The following TSPAN4 variants were observed in gnomAD, a reference collection of about 807,000 sequenced individuals.
The protein encoded by TSPAN4 is tetraspanin 4.
Under a neutral mutation model 31.5 loss-of-function variants are expected in TSPAN4, and 38 were observed. The observed-to-expected ratio is 1.21, with a 90% CI of 0.93 to 1.58. The LOEUF is 1.58. Among genes scored for constraint, TSPAN4 ranks in the 40% most tolerant of loss-of-function variants. TSPAN4 has a pLI of 0.00. For missense variants in TSPAN4, 330 were observed against 317.3 expected (o/e 1.04, Z -0.30); for synonymous variants, 186 against 144.6 (o/e 1.29, Z -2.06).
At chr11:857,400 G>GTTTT (rs59381120) in intron 3 of TSPAN4, 13,854 of 100,048 alleles carry the variant, frequency 0.14, 1,565 homozygotes, top group East Asian at 0.17. Flanking sequence ...GGCAGTTTGG[G>GTTTT]TTTTTTTTTT....
chr11:842,900 G>A lies in TSPAN4; in HGVS notation c.-133G>A, dbSNP rs35053581. On this transcript the variant is annotated 5_prime_UTR_variant, in exon 1 of 9. Transcript: ENST00000397397. ...GCGGCGGGAGCGGGCGGCGCGAGCGGGAGGCGGCGGCGCAGGTACTGCGCC... is the reference window on the plus strand; with the variant it reads ...GCGGCGGGAGCGGGCGGCGCGAGCGAGAGGCGGCGGCGCAGGTACTGCGCC... 5 of 163,446 alleles carry A rather than the reference G, an allele frequency of 3.1e-5. No homozygotes were observed. Among genetic ancestry groups the A allele is most frequent in the Non-Finnish European group, 6.6e-5 (5 of 75,326 alleles). The allele number at this position is 163,446 out of a possible 1,614,324, so 10.1% of individuals were successfully genotyped here.
rs376732850 is a variant in TSPAN4, at chr11:866,664, G to A, written c.*34G>A. ...CCGCCCGCTTCTCTGCCAAAAGGAC[G>A]CCCACGGGGAGATGGCCGCACCCAC... is the stretch of plus-strand genomic sequence containing the variant. On this transcript the variant is annotated 3_prime_UTR_variant, in exon 9 of 9. Coordinates refer to ENST00000397397, the MANE Select transcript of TSPAN4 (RefSeq NM_003271.5). 8.1e-6 allele frequency: 13 copies of A among 1,595,812 alleles called. No homozygotes were observed. Among genetic ancestry groups the A allele is most frequent in the South Asian group, 5.6e-5 (5 of 89,586 alleles).
chr11:866,785 G>A lies in TSPAN4; in HGVS notation c.*155G>A, dbSNP rs1210879555. 1.1e-4 allele frequency: 89 copies of A among 823,810 alleles called. No individual in the cohort carries two copies. The East Asian group carries it at 2.5e-3, about 23-fold the overall frequency. 51.0% of individuals were successfully genotyped at this position (823,810 alleles called of 1,614,324 possible). Reference sequence around the variant, plus strand: ...TGGAGCCCCCGGAACCCTGTTTCTGGAAGGCCCTAGCTCAGGTGGCTTCAG... The same window carrying A: ...TGGAGCCCCCGGAACCCTGTTTCTGAAAGGCCCTAGCTCAGGTGGCTTCAG... On this transcript the variant is annotated 3_prime_UTR_variant, in exon 9 of 9. Coordinates refer to ENST00000397397, the MANE Select transcript of TSPAN4 (RefSeq NM_003271.5).
At chr11:857,774 C>G (rs1389834087) in intron 3 of TSPAN4, 2 of 152,236 alleles carry the variant, frequency 1.3e-5, no homozygotes, top group African/African-American at 4.8e-5. Flanking sequence ...ACCTTCACCC[C>G]CAGCCTGGGC....
At chr11:845,795 G>A (rs1847287671) in intron 1 of TSPAN4, among the ~76,000 whole-genome samples, 1 of 152,158 alleles carries the variant, frequency 6.6e-6, no homozygotes, top group African/African-American at 2.4e-5. Context: ...AAGACTGGGG[G>A]ACCTCTGGAC....
intron 2 of TSPAN4, 179 bp from the exon 3 acceptor site, chr11:850,109 C>G: frequency 2.1e-6 from 1 of 472,388 alleles, no homozygotes; most frequent in Non-Finnish European, 3.7e-6. Context: ...TCGCGCGCGG[C>G]GGCCCCTTCC....
intron 1 of TSPAN4, among the ~76,000 whole-genome samples, chr11:846,657 C>T (rs570278071): frequency 7.2e-4 from 110 of 152,256 alleles, no homozygotes; most frequent in African/African-American, 2.6e-3. Flanking sequence ...GAGGGCCTTG[C>T]GGGTCATTGC....
Position 866,827 on chromosome 11 carries a change from C to A in TSPAN4, c.*197C>A, listed in dbSNP as rs1459544670. ...TGGCTTCAGGGCCTCCGGACCCCCC[C>A]TGGGAGGGGTGGCCACGTGCTGGCT... On this transcript the variant is annotated 3_prime_UTR_variant, in exon 9 of 9. Transcript: ENST00000397397. 5 of 572,122 alleles carry A rather than the reference C, an allele frequency of 8.7e-6. No homozygotes were observed. Among genetic ancestry groups the A allele is most frequent in the Admixed American group, 3.5e-5 (1 of 28,440 alleles). The allele number at this position is 572,122 out of a possible 1,614,324, so 35.4% of individuals were successfully genotyped here.
chr11:844,979 G>T (rs1170673860), intron 1 of TSPAN4, among the ~76,000 whole-genome samples: 1 of 152,172 alleles, frequency 6.6e-6, no homozygotes, highest in African/African-American at 2.4e-5. Context: ...CACGGGCTGA[G>T]CCCTGGCTGG....
chr11:858,891 C>T lies in TSPAN4; in HGVS notation c.64-3659C>T, dbSNP rs191014223. Among the ~76,000 whole-genome samples, 580 of 139,874 alleles carry T rather than the reference C, an allele frequency of 4.1e-3. 3 individuals are homozygous for T. Among genetic ancestry groups the T allele is most frequent in the African/African-American group, 0.014 (532 of 37,032 alleles). The allele number at this position is 139,874 out of a possible 152,430, so 91.8% of individuals were successfully genotyped here. A position where few individuals can be genotyped will look rare whatever the true frequency, so the allele number is the denominator to read the frequency against. The stretch of plus-strand genomic sequence containing the variant: ...GGCTCCCATGCACCCCTGGGTCACA[C>T]GCATCCCCGCTCACACGCACCCCAG... On this transcript the variant is annotated intron_variant, in intron 3 of 8. Coordinates refer to ENST00000397397, the MANE Select transcript of TSPAN4 (RefSeq NM_003271.5).
intron 3 of TSPAN4, among the ~76,000 whole-genome samples, chr11:851,937 G>A (rs960025462): frequency 6.6e-6 from 1 of 151,570 alleles, no homozygotes; most frequent in Non-Finnish European, 1.5e-5. Context: ...TCCCAGGGGG[G>A]GTCTCTCTGC....
intron 5 of TSPAN4, 80 bp downstream of exon 5, chr11:864,591 G>A (rs1848660805): frequency 6.4e-7 from 1 of 1,552,704 alleles, no homozygotes; most frequent in Non-Finnish European, 8.8e-7. Context: ...TGGGCCCGGT[G>A]TGGACAGAGT....
At chr11:847,681 C>T (rs149542638) in intron 2 of TSPAN4, among the ~76,000 whole-genome samples, 3 of 138,046 alleles carry the variant, frequency 2.2e-5, no homozygotes, top group East Asian at 4.7e-4. Context: ...CTTGAATAGG[C>T]TTCATCTGCT....
intron 3 of TSPAN4, among the ~76,000 whole-genome samples, chr11:860,423 G>A (rs1441996472): frequency 6.6e-6 from 1 of 152,226 alleles, no homozygotes; most frequent in Non-Finnish European, 1.5e-5. Context: ...CCAACCTCCA[G>A]CCTGGCGCTG....
chr11:850,251 G>A (rs754541850), intron 2 of TSPAN4, 37 bp from the exon 3 acceptor site: 2 of 1,544,134 alleles, frequency 1.3e-6, no homozygotes, highest in Non-Finnish European at 1.8e-6. Flanking sequence ...CAAGTACGTG[G>A]TTTTCTACCT....
In TSPAN4 at chr11:866,824, C is replaced by T; in HGVS notation, c.*194C>T. The T allele has an allele frequency of 5.2e-6, 3 of 580,960 alleles. No homozygotes were observed. In the South Asian group the frequency reaches 7.1e-5, roughly 14 times the overall value. The allele number at this position is 580,960 out of a possible 1,614,324, so 36.0% of individuals were successfully genotyped here. On this transcript the variant is annotated 3_prime_UTR_variant, in exon 9 of 9. Coordinates refer to ENST00000397397, the MANE Select transcript of TSPAN4 (RefSeq NM_003271.5). ...AGGTGGCTTCAGGGCCTCCGGACCC[C>T]CCCTGGGAGGGGTGGCCACGTGCTG...
At chr11:844,323 A>G in intron 1 of TSPAN4, 1 of 152,380 alleles carries the variant, frequency 6.6e-6, no homozygotes, top group Non-Finnish European at 1.5e-5. Flanking sequence ...TACTCAGAGC[A>G]AGGGGTGGTG....
intron 5 of TSPAN4, chr11:864,764 C>T (rs1848669898): frequency 1.0e-5 from 6 of 576,050 alleles, no homozygotes; most frequent in South Asian, 1.0e-4. Flanking sequence ...AGGTTGTCCC[C>T]CGCCCTCTGA....
At chr11:856,928 T>C (rs1214554914) in intron 3 of TSPAN4, 2 of 152,274 alleles carry the variant, frequency 1.3e-5, no homozygotes, top group East Asian at 3.8e-4. Context: ...TTTATCTGTG[T>C]GGGTCTGCCA....
Sources: allele counts gnomAD v4.1 joint callset (sites outside exome capture counted in the v4.1 genomes callset), GRCh38; gene constraint gnomAD v4.1.1; transcripts MANE v1.5; gene names NCBI Gene and HGNC (gene_info 2026-07-23, HGNC 2026-07-21).